RHBDF1: variants seen among roughly 807,000 people sequenced by gnomAD.
The protein encoded by RHBDF1 is rhomboid 5 homolog 1.
Under a neutral mutation model 98.6 loss-of-function variants are expected in RHBDF1, and 80 were observed. The observed-to-expected ratio is 0.81, with a 90% confidence interval of 0.68 to 0.98. The LOEUF (loss-of-function observed/expected upper bound fraction) is 0.98, where lower values mean the gene tolerates loss of function less well. Among genes scored for constraint, RHBDF1 ranks in the 50% least tolerant of loss-of-function variants. The pLI, the probability that RHBDF1 is intolerant of heterozygous loss-of-function variation, is 0.00. For missense variants in RHBDF1, 1,116 were observed against 1,198.3 expected (o/e 0.93, Z 1.01); for synonymous variants, 512 against 486.8 (o/e 1.05, Z -0.68).
In RHBDF1 at chr16:70,018, G is replaced by GC. The variant is rs972486876; in HGVS notation, c.-25+2494_-25+2495insG. Among the ~76,000 whole-genome samples, 2 of 152,084 alleles carry GC rather than the reference G, an allele frequency of 1.3e-5. 1 individual carries two copies. Among genetic ancestry groups the GC allele is most frequent in the African/African-American group, 4.8e-5 (2 of 41,402 alleles). On this transcript the variant is annotated intron_variant, in intron 1 of 17. Transcript: ENST00000262316. ...GGGCCAGCACTTGGCAGGAGGGGGG[G>GC]GGGCACTGCCCCAAGGCTCAGCTAG...
At position 63,807 on chromosome 16, in the gene RHBDF1, T is replaced by A. The variant is rs879868512; in HGVS notation, c.249-7A>T. On this transcript the variant is annotated splice_region_variant and splice_polypyrimidine_tract_variant and intron_variant, in intron 3 of 17. Transcript: ENST00000262316. ...AAACCAGTCGGCGGTCCCCCTGGCA[T>A]GGCAGGGACTCAGCAAGGGGCGGCC... 5 of 1,611,932 alleles carry A rather than the reference T, an allele frequency of 3.1e-6. No homozygotes were observed. The East Asian group carries it at 1.1e-4, about 36-fold the overall frequency.
At chr16:67,077 T>C (rs899400367) in intron 1 of RHBDF1, among the ~76,000 whole-genome samples, 1 of 151,964 alleles carries the variant, frequency 6.6e-6, no homozygotes, top group Non-Finnish European at 1.5e-5. Flanking sequence ...CTCCACAGGG[T>C]ATATGGACTG....
At chr16:74,313 T>C (rs972050573), upstream of RHBDF1, among the ~76,000 whole-genome samples, 3 of 152,218 alleles carry the variant, frequency 2.0e-5, no homozygotes, top group African/African-American at 7.2e-5. Flanking sequence ...AGTGGTGTCC[T>C]CTCTGGAAAG....
At chr16:61,506 C>G in intron 9 of RHBDF1, 47 bp from the exon 10 acceptor site, 1 of 1,612,094 alleles carries the variant, frequency 6.2e-7, no homozygotes, top group Non-Finnish European at 8.5e-7. Flanking sequence ...CTCTGGCCCT[C>G]TCCTCCCAGA....
chr16:58,415 C>A lies in RHBDF1; in HGVS notation c.2493G>T (p.Trp831Cys). The change falls in exon 18 of 18, where the codon TGG (tryptophan) becomes TGT (cysteine). Residue 831 changes from tryptophan to cysteine, a missense_variant. Transcript: ENST00000262316. ...AGGGGATGCAGGTGAGGAACTCACA[C>A]CACTCACAGCGGACAGGATAGACGT... ...LFYVYPVRCE[W>C]CEFLTCIPFT... The A allele has an allele frequency of 6.2e-7, 1 of 1,613,994 alleles. No individual in the cohort carries two copies. Among genetic ancestry groups the A allele is most frequent in the East Asian group, 2.2e-5 (1 of 44,890 alleles).
chr16:61,063 G>A (rs551070535), intron 11 of RHBDF1, 57 bp downstream of exon 11: 1 of 1,491,394 alleles, frequency 6.7e-7, no homozygotes, highest in African/African-American at 1.4e-5. Context: ...TCTATCTGAG[G>A]TCTGAAGAGC....
chr16:63,778 C>G lies in RHBDF1; in HGVS notation c.271G>C (p.Val91Leu), dbSNP rs755518576. 6.2e-7 allele frequency: 1 copy of G among 1,613,766 alleles called. No individual in the cohort carries two copies. The part of the protein sequence containing the change: ...IRRGTADWFG[V>L]SKDSDSTQKW... ...TGGGTGCTGTCACTGTCCTTGCTCA[C>G]TCCAAACCAGTCGGCGGTCCCCCTG... is the stretch of plus-strand genomic sequence containing the variant. The change falls in exon 4 of 18, where the codon GTG (valine) becomes CTG (leucine). Residue 91 changes from valine to leucine, a missense_variant. Physicochemically the swap from Val to Leu is conservative, Grantham distance 32. Transcript: ENST00000262316.
At chr16:75,907 G>A (rs1357081235), upstream of RHBDF1, among the ~76,000 whole-genome samples, 1 of 152,158 alleles carries the variant, frequency 6.6e-6, no homozygotes, top group East Asian at 1.9e-4. Flanking sequence ...CGGAGCCAGT[G>A]TGCTGGGCAC....
At chr16:73,896 CT>C (rs953571239), upstream of RHBDF1, 2 of 979,636 alleles carry the variant, frequency 2.0e-6, no homozygotes, top group African/African-American at 3.5e-5. Context: ...AGAATTTGAA[CT>C]AAAGGTGCTG....
intron 1 of RHBDF1, among the ~76,000 whole-genome samples, chr16:68,739 C>T (rs1897894766): frequency 6.6e-6 from 1 of 152,190 alleles, no homozygotes; most frequent in Admixed American, 6.5e-5. Flanking sequence ...TGCATGCTGA[C>T]GTCCCCTCTG....
In RHBDF1 at chr16:64,939, G is replaced by A. The variant is rs201745942; in HGVS notation, c.77C>T (p.Ser26Phe). The A allele has an allele frequency of 1.9e-6, 3 of 1,596,478 alleles. No homozygotes were observed. The highest frequency in any genetic ancestry group is 2.2e-5 in the East Asian group (1 of 44,486). ...KPPWLKLDIP[S>F]AVPLTAEEPS... ...CTCTTCTGCCGTCAGGGGCACCGCAGAGGGAATGTCCAGCTTTAGCCAGGG... is the reference window on the plus strand; with the variant it reads ...CTCTTCTGCCGTCAGGGGCACCGCAAAGGGAATGTCCAGCTTTAGCCAGGG... The change falls in exon 2 of 18, where the codon TCT becomes TTT. Residue 26 changes from serine to phenylalanine, a missense_variant. Coordinates refer to ENST00000262316, the MANE Select transcript of RHBDF1 (RefSeq NM_022450.5).
intron 3 of RHBDF1, chr16:64,447 G>T (rs960601099): frequency 5.2e-5 from 77 of 1,480,742 alleles, no homozygotes; most frequent in Non-Finnish European, 6.3e-5. Flanking sequence ...GCTGCTAAGA[G>T]GCAAGAGCAT....
chr16:69,478 T>TCATCCCAGGGGGATGTGGCTCCTCCAG (rs1897916381), intron 1 of RHBDF1, among the ~76,000 whole-genome samples: 1 of 152,038 alleles, frequency 6.6e-6, no homozygotes, highest in East Asian at 1.9e-4. Context: ...CACATGAGCC[T>TCATCCCAGGGGGATGTGGCTCCTCCAG]CATCCCAGGG....
Position 63,174 on chromosome 16 carries a change from G to A in RHBDF1, c.471C>T (p.Asp157=), listed in dbSNP as rs373963319. The A allele has an allele frequency of 1.8e-5, 29 of 1,573,034 alleles. 1 individual carries two copies. The highest frequency in any genetic ancestry group is 1.3e-4 in the African/African-American group (10 of 74,358). Residue 157 remains aspartate (D), a synonymous_variant, in exon 5 of 18, where the codon GAC becomes GAT. Transcript: ENST00000262316. ...GGAAGGCACGGCCACGGGCCAGGGG[G>A]TCTATGATCTGGAGGAGGGGAGGAG... The part of the protein sequence containing the change: ...PCQLGMQKII[D]PLARGRAFRV...
chr16:61,678 C>G lies in RHBDF1; in HGVS notation c.1227G>C (p.Trp409Cys). ...MDDHRPFFTY[W>C]LTFVHSLVTI... ...TGACGAGCGAGTGCACGAAGGTAAG[C>G]CAGTAGGTGAAGAAGGGCCTGCGGG... Residue 409 changes from tryptophan (W) to cysteine (C), a missense_variant, in exon 9 of 18, where the codon TGG becomes TGC. Coordinates refer to ENST00000262316, the MANE Select transcript of RHBDF1 (RefSeq NM_022450.5). 1 of 1,613,500 alleles carries G rather than the reference C, an allele frequency of 6.2e-7. No homozygotes were observed. Among genetic ancestry groups the G allele is most frequent in the East Asian group, 2.2e-5 (1 of 44,870 alleles).
intron 7 of RHBDF1, among the ~76,000 whole-genome samples, 159 bp downstream of exon 7, chr16:62,379 C>A (rs994572384): frequency 2.6e-5 from 4 of 152,232 alleles, no homozygotes; most frequent in African/African-American, 9.6e-5. Context: ...ATGCCCAGCT[C>A]TGCGTCTCCC....
intron 4 of RHBDF1, 47 bp from the exon 5 acceptor site, chr16:63,229 A>G: frequency 6.8e-7 from 1 of 1,467,256 alleles, no homozygotes; most frequent in African/African-American, 1.4e-5. Context: ...GGGGGCTCCT[A>G]GCTCACCCAG....
chr16:76,305 C>T (rs1465299786), upstream of RHBDF1: 1 of 152,198 alleles, frequency 6.6e-6, no homozygotes, highest in East Asian at 1.9e-4. Flanking sequence ...CTCTGCAGGC[C>T]ACAGTTGGAA....
chr16:59,214 C>G (rs779674158), intron 16 of RHBDF1, 35 bp downstream of exon 16: 6 of 1,592,372 alleles, frequency 3.8e-6, no homozygotes, highest in Non-Finnish European at 5.1e-6. Flanking sequence ...CCTGAGGGCC[C>G]TGAGACCCCC....
Sources: allele counts gnomAD v4.1 joint callset (sites outside exome capture counted in the v4.1 genomes callset), GRCh38; gene constraint gnomAD v4.1.1; transcripts MANE v1.5; gene names NCBI Gene and HGNC (gene_info 2026-07-23, HGNC 2026-07-21).